ADAMTS19: variants seen among roughly 807,000 people sequenced by gnomAD.
The protein encoded by ADAMTS19 is ADAM metallopeptidase with thrombospondin type 1 motif 19.
Under a neutral mutation model 153.3 loss-of-function variants are expected in ADAMTS19, and 93 were observed. The observed-to-expected ratio is 0.61, with a 90% confidence interval of 0.51 to 0.72. The LOEUF (loss-of-function observed/expected upper bound fraction) is 0.72, where lower values mean the gene tolerates loss of function less well. Ranked by LOEUF, ADAMTS19 falls within the 30% of genes least tolerant of loss-of-function variation. ADAMTS19 has a pLI of 0.00. For missense variants in ADAMTS19, 1,482 were observed against 1,552.1 expected (o/e 0.95, Z 0.76); for synonymous variants, 600 against 556.6 (o/e 1.08, Z -1.10).
chr5:129,528,682 A>G lies in ADAMTS19; in HGVS notation c.1328+5A>G, dbSNP rs73246875. 6.4e-3 allele frequency: 10,084 copies of G among 1,578,710 alleles called. 538 individuals carry two copies. The African/African-American group carries it at 0.12, about 19-fold the overall frequency. On this transcript the variant is annotated splice_donor_5th_base_variant and intron_variant, in intron 6 of 22. Coordinates refer to ENST00000274487, the MANE Select transcript of ADAMTS19 (RefSeq NM_133638.6). ...TGCAGCTATACTTATAACAAGGTAAATTTTCCAATGCCAATTAAATGGCAT... is the reference window on the plus strand; with the variant it reads ...TGCAGCTATACTTATAACAAGGTAAGTTTTCCAATGCCAATTAAATGGCAT...
rs780596614 is a variant in ADAMTS19 at position 129,622,309 on chromosome 5, C to T, written c.1731C>T (p.Ile577=). The change falls in exon 10 of 23, where the codon ATC becomes ATT. Residue 577 remains isoleucine (I), a synonymous_variant. Transcript: ENST00000274487. ...MTYTADEQCQ[I]LFGPLASFCQ... ...ACACTGCTGATGAACAATGCCAGAT[C>T]CTTTTTGGGCCATTGGCTTCTTTTT... is the stretch of plus-strand genomic sequence containing the variant. 2 of 1,614,044 alleles carry T rather than the reference C, an allele frequency of 1.2e-6. No individual in the cohort carries two copies. Among genetic ancestry groups the T allele is most frequent in the Admixed American group, 3.3e-5 (2 of 59,994 alleles).
At chr5:129,676,959 T>C (rs1460531476) in intron 16 of ADAMTS19, among the ~76,000 whole-genome samples, 1 of 152,146 alleles carries the variant, frequency 6.6e-6, no homozygotes, top group African/African-American at 2.4e-5. Context: ...TTCTTTACAT[T>C]GTGCCCTAAA....
At chr5:129,582,092 A>G (rs1258110651) in intron 7 of ADAMTS19, among the ~76,000 whole-genome samples, 1 of 150,980 alleles carries the variant, frequency 6.6e-6, no homozygotes, top group Non-Finnish European at 1.5e-5. Context: ...TTGGATGTAG[A>G]GTTGTGTAGA....
chr5:129,465,547 T>TAA (rs1349100954), intron 2 of ADAMTS19, among the ~76,000 whole-genome samples: 1 of 152,202 alleles, frequency 6.6e-6, no homozygotes, highest in Non-Finnish European at 1.5e-5. Context: ...GAGCCTTTTG[T>TAA]AAATTCAATT....
intron 7 of ADAMTS19, among the ~76,000 whole-genome samples, chr5:129,558,864 A>C (rs973233334): frequency 6.6e-6 from 1 of 152,086 alleles, no homozygotes; most frequent in African/African-American, 2.4e-5. Flanking sequence ...TCACATGAAA[A>C]AAATTTGAGA....
intron 13 of ADAMTS19, among the ~76,000 whole-genome samples, chr5:129,651,200 T>C (rs971331839): frequency 1.6e-4 from 25 of 152,218 alleles, no homozygotes; most frequent in African/African-American, 5.5e-4. Flanking sequence ...AAATAATACA[T>C]GAGTTTACGT....
chr5:129,603,955 T>G (rs2126936304), intron 8 of ADAMTS19, among the ~76,000 whole-genome samples: 1 of 152,282 alleles, frequency 6.6e-6, no homozygotes, highest in African/African-American at 2.4e-5. Context: ...CTCGGGATTA[T>G]CTGTTCCCAC....
At chr5:129,475,575 G>A (rs1296413189) in intron 2 of ADAMTS19, among the ~76,000 whole-genome samples, 2 of 152,172 alleles carry the variant, frequency 1.3e-5, no homozygotes, top group African/African-American at 2.4e-5. Context: ...GTTCATGCCT[G>A]TAATCCCAGC....
At chr5:129,615,434 A>G (rs559594783) in intron 8 of ADAMTS19, among the ~76,000 whole-genome samples, 1 of 151,910 alleles carries the variant, frequency 6.6e-6, no homozygotes, top group East Asian at 1.9e-4. Flanking sequence ...TCAAAATGCC[A>G]TTTCTTAGAC....
intron 3 of ADAMTS19, among the ~76,000 whole-genome samples, chr5:129,522,316 T>C (rs13167511): frequency 0.13 from 11,502 of 91,736 alleles, 749 homozygotes; most frequent in Middle Eastern, 0.15. Flanking sequence ...TATATATATA[T>C]ACACACACAC....
At chr5:129,703,671 A>G (rs1236498378) in intron 20 of ADAMTS19, among the ~76,000 whole-genome samples, 1 of 152,154 alleles carries the variant, frequency 6.6e-6, no homozygotes, top group Non-Finnish European at 1.5e-5. Context: ...AATGGAGGTT[A>G]CAGTGAGCCA....
At chr5:129,615,194 T>C (rs966092022) in intron 8 of ADAMTS19, among the ~76,000 whole-genome samples, 1 of 152,120 alleles carries the variant, frequency 6.6e-6, no homozygotes, top group South Asian at 2.1e-4. Context: ...TACTTTAAAG[T>C]TCATATGGAA....
intron 6 of ADAMTS19, among the ~76,000 whole-genome samples, chr5:129,546,417 A>G (rs1323371624): frequency 6.6e-6 from 1 of 150,996 alleles, no homozygotes; most frequent in Non-Finnish European, 1.5e-5. Context: ...GAAGATAAAT[A>G]AAAACAAAAT....
intron 19 of ADAMTS19, among the ~76,000 whole-genome samples, chr5:129,699,559 T>C (rs1755733998): frequency 2.6e-5 from 4 of 152,158 alleles, no homozygotes; most frequent in Admixed American, 2.0e-4. Context: ...GCCAAATTCA[T>C]TAGGTAGCCT....
intron 13 of ADAMTS19, among the ~76,000 whole-genome samples, chr5:129,649,409 C>A (rs908998413): frequency 6.6e-6 from 1 of 152,164 alleles, no homozygotes; most frequent in Non-Finnish European, 1.5e-5. Flanking sequence ...CATGCAACAA[C>A]CTGATAGATC....
intron 2 of ADAMTS19, among the ~76,000 whole-genome samples, chr5:129,485,533 G>C (rs1375509580): frequency 6.6e-6 from 1 of 151,936 alleles, no homozygotes; most frequent in Non-Finnish European, 1.5e-5. Context: ...TTAATATTCT[G>C]TAATGAACAA....
At chr5:129,634,287 A>T (rs1201498761) in intron 10 of ADAMTS19, among the ~76,000 whole-genome samples, 2 of 152,198 alleles carry the variant, frequency 1.3e-5, no homozygotes, top group East Asian at 3.9e-4. Flanking sequence ...GTAATCAGAG[A>T]TGACACAAAT....
At chr5:129,714,637 G>A (rs1756641628) in intron 21 of ADAMTS19, among the ~76,000 whole-genome samples, 1 of 152,074 alleles carries the variant, frequency 6.6e-6, no homozygotes, top group African/African-American at 2.4e-5. Context: ...ACGTAACTGA[G>A]TCCAATTGCG....
At chr5:129,539,890 C>G (rs1752598408) in intron 6 of ADAMTS19, among the ~76,000 whole-genome samples, 1 of 151,906 alleles carries the variant, frequency 6.6e-6, no homozygotes. Flanking sequence ...ATATTTGTTT[C>G]CAGTGCCATA....
Sources: gnomAD v4.1 joint callset for allele counts (sites outside exome capture counted in the v4.1 genomes callset) on GRCh38, gnomAD v4.1.1 for gene constraint, MANE v1.5 for transcripts, NCBI Gene and HGNC (gene_info 2026-07-23, HGNC 2026-07-21) for gene names.